SS18: variants seen among roughly 807,000 people sequenced by gnomAD.
SS18 encodes protein SSXT.
SS18 carries 28 observed loss-of-function variants against 72.5 expected under a neutral mutation model. The ratio of observed to expected loss-of-function variants is 0.39; its 90% CI spans 0.29 to 0.53. The LOEUF is 0.53. Ranked by LOEUF, SS18 falls within the 20% of genes least tolerant of loss-of-function variation. The probability of loss-of-function intolerance (pLI) is 0.76; values close to 1 mark genes in which losing one functional copy is unlikely to be tolerated. For missense variants in SS18, 518 were observed against 535.3 expected (o/e 0.97, Z 0.32); for synonymous variants, 172 against 164.2 (o/e 1.05, Z -0.37).
intron 5 of SS18, among the ~76,000 whole-genome samples, chr18:26,041,555 T>C (rs1309067658): frequency 6.6e-6 from 1 of 152,220 alleles, no homozygotes; most frequent in East Asian, 1.9e-4. Flanking sequence ...TATACTAAAC[T>C]ATTAAACACT....
intron 6 of SS18, 85 bp downstream of exon 6, chr18:26,039,204 C>A: frequency 9.6e-7 from 1 of 1,040,336 alleles, no homozygotes; most frequent in Non-Finnish European, 1.3e-6. Flanking sequence ...AAGAAAACGC[C>A]CTGACTTTGT....
intron 10 of SS18, among the ~76,000 whole-genome samples, chr18:26,020,526 G>A (rs1406315496): frequency 1.3e-5 from 2 of 152,204 alleles, no homozygotes; most frequent in Non-Finnish European, 2.9e-5. Flanking sequence ...TTTATCTACT[G>A]TATTATGAAC....
chr18:26,026,604 T>G (rs1462926629), intron 10 of SS18, among the ~76,000 whole-genome samples: 3 of 152,094 alleles, frequency 2.0e-5, no homozygotes, highest in African/African-American at 7.2e-5. Flanking sequence ...TCACCATTTT[T>G]ATTTAACATG....
chr18:26,072,790 C>A (rs1327062058), intron 3 of SS18, among the ~76,000 whole-genome samples: 1 of 117,808 alleles, frequency 8.5e-6, no homozygotes, highest in African/African-American at 4.1e-5. Context: ...GAGCGAGACT[C>A]CGTCTCAAAA....
At chr18:26,076,920 T>C (rs546809692) in intron 3 of SS18, among the ~76,000 whole-genome samples, 7 of 152,078 alleles carry the variant, frequency 4.6e-5, no homozygotes, top group Admixed American at 3.9e-4. Flanking sequence ...ATTCTGAAAA[T>C]TGATAAAGGG....
intron 3 of SS18, among the ~76,000 whole-genome samples, chr18:26,076,361 G>C (rs1490080967): frequency 2.0e-5 from 3 of 150,996 alleles, no homozygotes; most frequent in African/African-American, 7.3e-5. Context: ...ATCAGACACA[G>C]ACCCACATAT....
At chr18:26,073,106 C>T (rs1255995867) in intron 3 of SS18, among the ~76,000 whole-genome samples, 2 of 151,898 alleles carry the variant, frequency 1.3e-5, no homozygotes, top group South Asian at 4.1e-4. Flanking sequence ...TGAAACAAAT[C>T]TCAAGGAATT....
At chr18:26,072,344 T>C (rs2054325497) in intron 3 of SS18, among the ~76,000 whole-genome samples, 1 of 141,370 alleles carries the variant, frequency 7.1e-6, no homozygotes, top group Non-Finnish European at 1.5e-5. Flanking sequence ...CTTTGATTGC[T>C]AGACTGAGTT....
chr18:26,090,385 C>G, intron 1 of SS18, 116 bp downstream of exon 1: 2 of 1,031,634 alleles, frequency 1.9e-6, no homozygotes, highest in Non-Finnish European at 2.9e-6. Flanking sequence ...ACTGCTGATT[C>G]CCAGCAGGCC....
intron 1 of SS18, among the ~76,000 whole-genome samples, chr18:26,088,800 C>T (rs1311155291): frequency 6.6e-6 from 1 of 152,018 alleles, no homozygotes; most frequent in African/African-American, 2.4e-5. Flanking sequence ...ACCATAATCA[C>T]GCAATCTAAA....
intron 3 of SS18, among the ~76,000 whole-genome samples, chr18:26,073,405 T>C (rs2054351199): frequency 6.6e-6 from 1 of 152,054 alleles, no homozygotes; most frequent in South Asian, 2.1e-4. Flanking sequence ...GAAAAAAATA[T>C]ACCAAAAGAA....
intron 2 of SS18, 21 bp from the exon 3 acceptor site, chr18:26,078,181 T>A (rs768809729): frequency 1.3e-6 from 2 of 1,571,602 alleles, no homozygotes; most frequent in Non-Finnish European, 1.7e-6. Context: ...AAAACAAGTA[T>A]CAGTATTAAA....
chr18:26,087,516 G>T lies in SS18; in HGVS notation c.131C>A (p.Thr44Asn). Residue 44 changes from threonine (T) to asparagine (N), a missense_variant, in exon 2 of 11, where the codon ACC becomes AAC. Physicochemically the swap from Thr to Asn is moderately conservative, Grantham distance 65. Transcript: ENST00000415083. The part of the protein sequence containing the change: ...CIMDSQNKGK[T>N]SECSQYQQML... Reference sequence around the variant, plus strand: ...TCAATCTTACTGAGAACACTCTGAGGTCTTTCCTTTATTCTGAGAGTCCAT... The same window carrying T: ...TCAATCTTACTGAGAACACTCTGAGTTCTTTCCTTTATTCTGAGAGTCCAT... 1 of 1,587,104 alleles carries T rather than the reference G, an allele frequency of 6.3e-7. No individual in the cohort carries two copies. Among genetic ancestry groups the T allele is most frequent in the Non-Finnish European group, 8.6e-7 (1 of 1,162,528 alleles).
At chr18:26,026,481 T>C (rs541190730) in intron 10 of SS18, among the ~76,000 whole-genome samples, 5 of 152,166 alleles carry the variant, frequency 3.3e-5, no homozygotes, top group Admixed American at 3.3e-4. Flanking sequence ...AAACTAGAAA[T>C]ATAACACCTG....
At chr18:26,057,527 C>T in intron 4 of SS18, 62 bp downstream of exon 4, 5 of 1,593,372 alleles carry the variant, frequency 3.1e-6, no homozygotes, top group Non-Finnish European at 4.3e-6. Flanking sequence ...TCCCTTGAGC[C>T]CCCATGTCGT....
intron 3 of SS18, among the ~76,000 whole-genome samples, chr18:26,063,247 C>T (rs1238796456): frequency 1.3e-5 from 2 of 152,106 alleles, no homozygotes; most frequent in Admixed American, 6.6e-5. Flanking sequence ...AGGCCGGGTG[C>T]GGTGGTTCAT....
chr18:26,074,885 C>T (rs887735308), intron 3 of SS18, among the ~76,000 whole-genome samples: 2 of 151,798 alleles, frequency 1.3e-5, no homozygotes, highest in Non-Finnish European at 2.9e-5. Flanking sequence ...GCAGAAGTCA[C>T]AAATAATGAC....
intron 3 of SS18, among the ~76,000 whole-genome samples, chr18:26,077,279 C>T (rs1000317822): frequency 1.3e-4 from 19 of 151,924 alleles, no homozygotes; most frequent in African/African-American, 3.1e-4. Flanking sequence ...TACAAAGCAC[C>T]GCCAACAAAA....
intron 3 of SS18, among the ~76,000 whole-genome samples, chr18:26,059,551 G>A (rs934549650): frequency 9.9e-5 from 15 of 152,200 alleles, no homozygotes; most frequent in African/African-American, 3.6e-4. Context: ...AGACTGGAGT[G>A]TAGGCCCCAC....
Sources: gnomAD v4.1 joint callset for allele counts (sites outside exome capture counted in the v4.1 genomes callset) on GRCh38, gnomAD v4.1.1 for gene constraint, MANE v1.5 for transcripts, NCBI Gene and HGNC (gene_info 2026-07-23, HGNC 2026-07-21) for gene names.